Variants in NOS1 observed in about 807,000 individuals in gnomAD.
NOS1 encodes NOS type I.
A neutral mutation model predicts 164.5 loss-of-function variants in NOS1; 51 were observed. The observed-to-expected ratio is 0.31, with a 90% CI of 0.25 to 0.39. The LOEUF is 0.39. Ranked by LOEUF, NOS1 falls within the 10% of genes least tolerant of loss-of-function variation. The pLI, the probability that NOS1 is intolerant of heterozygous loss-of-function variation, is 1.00. For synonymous variants in NOS1, 719 were observed against 745.8 expected, an observed-to-expected ratio of 0.96 and a Z score of 0.59; for missense variants, 1,362 against 1,885.6, an observed-to-expected ratio of 0.72 and a Z score of 5.14.
chr12:117,335,151 G>T (rs1453609756), intron 1 of NOS1, among the ~76,000 whole-genome samples: 1 of 152,174 alleles, frequency 6.6e-6, no homozygotes, highest in Non-Finnish European at 1.5e-5. Context: ...AATAGATAAC[G>T]ATTCGGACTT....
chr12:117,218,192 G>T, intron 27 of NOS1, 28 bp from the exon 28 acceptor site: 2 of 1,519,978 alleles, frequency 1.3e-6, no homozygotes, highest in Non-Finnish European at 1.8e-6. Context: ...CCAGAAAACA[G>T]CTCTCAAATG....
At chr12:117,317,937 C>T (rs113859085) in intron 2 of NOS1, among the ~76,000 whole-genome samples, 6 of 152,026 alleles carry the variant, frequency 3.9e-5, no homozygotes, top group East Asian at 1.9e-4. Flanking sequence ...TTTAGGAGGC[C>T]GAGGTGGGAA....
At chr12:117,310,636 G>C (rs1171214543) in intron 3 of NOS1, among the ~76,000 whole-genome samples, 2 of 151,986 alleles carry the variant, frequency 1.3e-5, no homozygotes, top group Admixed American at 1.3e-4. Flanking sequence ...GTATCTTTTT[G>C]CTTATTTATT....
chr12:117,335,763 A>AGAGAGAGAGAGAGAGAGAGAGAGG lies in NOS1; in HGVS notation c.-420-4275_-420-4274insCCTCTCTCTCTCTCTCTCTCTCTC, dbSNP rs1566081635. On this transcript the variant is annotated intron_variant, in intron 1 of 28. Coordinates refer to ENST00000317775, the MANE Select transcript of NOS1 (RefSeq NM_000620.5). ...GAGAGAGAGAGAGAGAGAGAGAGAG[A>AGAGAGAGAGAGAGAGAGAGAGAGG]GAGAGAGACAGGGTCTTGATATCTT... 7.2e-4 allele frequency among the ~76,000 whole-genome samples: 94 copies of AGAGAGAGAGAGAGAGAGAGAGAGG among 131,356 alleles called. 2 individuals carry two copies. Among genetic ancestry groups the AGAGAGAGAGAGAGAGAGAGAGAGG allele is most frequent in the African/African-American group, 2.3e-3 (84 of 35,934 alleles). 86.2% of individuals were successfully genotyped at this position (131,356 alleles called of 152,430 possible).
intron 17 of NOS1, among the ~76,000 whole-genome samples, chr12:117,250,836 G>C (rs1351858267): frequency 6.6e-6 from 1 of 152,138 alleles, no homozygotes; most frequent in Non-Finnish European, 1.5e-5. Flanking sequence ...CATGCCTTCT[G>C]GTTAAGGTGT....
chr12:117,264,847 G>A (rs144231913), intron 12 of NOS1, among the ~76,000 whole-genome samples: 2,018 of 151,786 alleles, frequency 0.013, 24 homozygotes, highest in South Asian at 0.043. Flanking sequence ...GGCCTCTTGA[G>A]CAGCTGGCAT....
intron 27 of NOS1, among the ~76,000 whole-genome samples, chr12:117,218,787 C>T (rs950147886): frequency 1.2e-4 from 19 of 152,038 alleles, no homozygotes; most frequent in African/African-American, 4.6e-4. Flanking sequence ...GAGAATTTAC[C>T]AAGCTATGGG....
intron 13 of NOS1, among the ~76,000 whole-genome samples, chr12:117,261,602 T>C (rs1871914091): frequency 6.6e-6 from 1 of 152,168 alleles, no homozygotes; most frequent in Non-Finnish European, 1.5e-5. Flanking sequence ...CAGCAATGCA[T>C]GTCAAGGGTC....
At chr12:117,306,407 C>T (rs1479655705) in intron 3 of NOS1, among the ~76,000 whole-genome samples, 3 of 38,014 alleles carry the variant, frequency 7.9e-5, no homozygotes, top group Non-Finnish European at 1.4e-4. Context: ...CTTCTTCCAG[C>T]GCTGAGTTTG....
intron 2 of NOS1, among the ~76,000 whole-genome samples, chr12:117,323,291 A>G (rs754659038): frequency 1.3e-5 from 2 of 152,222 alleles, no homozygotes; most frequent in African/African-American, 2.4e-5. Context: ...CATTCGCTAC[A>G]ACAGGCCAGG....
intron 28 of NOS1, among the ~76,000 whole-genome samples, chr12:117,216,156 G>A (rs1044641161): frequency 6.6e-6 from 1 of 151,102 alleles, no homozygotes; most frequent in African/African-American, 2.4e-5. Flanking sequence ...GGGATTACAG[G>A]TGTGAGCCAC....
chr12:117,359,950 G>A (rs1199076262), intron 1 of NOS1, among the ~76,000 whole-genome samples: 1 of 107,072 alleles, frequency 9.3e-6, no homozygotes, highest in African/African-American at 3.4e-5. Context: ...AACACTTCCT[G>A]CGTTATGAAC....
chr12:117,297,794 A>T (rs1459032892), intron 3 of NOS1, among the ~76,000 whole-genome samples: 3 of 152,212 alleles, frequency 2.0e-5, no homozygotes, highest in Admixed American at 2.0e-4. Context: ...TCAGCACCAG[A>T]ACTCAGAACA....
chr12:117,360,518 G>A (rs1379894007), intron 1 of NOS1, among the ~76,000 whole-genome samples: 1 of 152,232 alleles, frequency 6.6e-6, no homozygotes, highest in African/African-American at 2.4e-5. Context: ...TTTTGGAGAC[G>A]GCGCTCTTAC....
At chr12:117,280,967 A>C in intron 7 of NOS1, 101 bp from the exon 8 acceptor site, 1 of 1,365,700 alleles carries the variant, frequency 7.3e-7, no homozygotes, top group South Asian at 1.4e-5. Context: ...CTTGAGGCTC[A>C]GGGTAGATTA....
intron 3 of NOS1, among the ~76,000 whole-genome samples, chr12:117,307,907 C>T (rs183830226): frequency 1.6e-4 from 24 of 151,894 alleles, no homozygotes; most frequent in Non-Finnish European, 2.6e-4. Flanking sequence ...TCCAGCTACT[C>T]AGGAGGCTGA....
At chr12:117,345,105 C>T (rs564220326) in intron 1 of NOS1, among the ~76,000 whole-genome samples, 1 of 149,588 alleles carries the variant, frequency 6.7e-6, no homozygotes, top group South Asian at 2.1e-4. Flanking sequence ...AATCTCGGCT[C>T]ACTGCAACCT....
rs910472518 is a variant in NOS1 at position 117,258,934 on chromosome 12, T to C, written c.2472+92A>G. 2.3e-5 allele frequency: 19 copies of C among 822,320 alleles called. No homozygotes were observed. In the Admixed American group the frequency reaches 4.2e-4, roughly 18 times the overall value. The allele number at this position is 822,320 out of a possible 1,614,324, so 50.9% of individuals were successfully genotyped here. A position where few individuals can be genotyped will look rare whatever the true frequency, so the allele number is the denominator to read the frequency against. On this transcript the variant is annotated intron_variant, in intron 15 of 28. Coordinates refer to ENST00000317775, the MANE Select transcript of NOS1 (RefSeq NM_000620.5). ...TTCAGGCTCTGGGAGGGTTTGCTAC[T>C]GAATAGCAGGTGTAGGAAGAGTCTC...
intron 1 of NOS1, among the ~76,000 whole-genome samples, chr12:117,346,734 GA>G (rs1406974567): frequency 6.6e-6 from 1 of 152,148 alleles, no homozygotes; most frequent in Non-Finnish European, 1.5e-5. Context: ...TGGAGTTTGA[GA>G]AACACTGGTA....
Sources: allele counts gnomAD v4.1 joint callset (sites outside exome capture counted in the v4.1 genomes callset), GRCh38; gene constraint gnomAD v4.1.1; transcripts MANE v1.5; gene names NCBI Gene and HGNC (gene_info 2026-07-23, HGNC 2026-07-21).